The following NUMB variants were observed in gnomAD, a reference collection of about 807,000 sequenced individuals.
The protein encoded by NUMB is NUMB endocytic adaptor protein.
In NUMB, 29 loss-of-function variants were observed where a neutral mutation model predicts 59.7. The observed-to-expected ratio is 0.49, with a 90% confidence interval of 0.36 to 0.66. The LOEUF is 0.66. Ranked by LOEUF, NUMB falls within the 30% of genes least tolerant of loss-of-function variation. The probability of loss-of-function intolerance (pLI) is 0.00; values close to 1 mark genes in which losing one functional copy is unlikely to be tolerated. For missense variants in NUMB, 723 were observed against 822.0 expected (o/e 0.88, Z 1.47); for synonymous variants, 288 against 288.2 (o/e 1.00, Z 0.01).
At chr14:73,445,381 A>AAAAAAAAAAAAAC (rs1883414227) in intron 1 of NUMB, among the ~76,000 whole-genome samples, 1 of 129,790 alleles carries the variant, frequency 7.7e-6, no homozygotes, top group Non-Finnish European at 1.7e-5. Context: ...AAAAAAAAAA[A>AAAAAAAAAAAAAC]AAAAAAAAAA....
At chr14:73,332,142 G>A (rs540212023) in intron 4 of NUMB, among the ~76,000 whole-genome samples, 1 of 152,254 alleles carries the variant, frequency 6.6e-6, no homozygotes, top group East Asian at 1.9e-4. Context: ...AAAGCCCACA[G>A]GAGGTTCCAG....
chr14:73,352,512 A>T (rs1566756298), intron 4 of NUMB, among the ~76,000 whole-genome samples: 4 of 12,428 alleles, frequency 3.2e-4, no homozygotes, highest in African/African-American at 1.3e-3. Flanking sequence ...ATATATATAT[A>T]TATATATATA....
intron 2 of NUMB, among the ~76,000 whole-genome samples, chr14:73,404,794 G>C (rs1300034527): frequency 6.7e-6 from 1 of 148,836 alleles, no homozygotes; most frequent in Admixed American, 6.7e-5. Flanking sequence ...ACGGAGTCTT[G>C]CTGTCACCCA....
In NUMB at chr14:73,426,452, A is replaced by C. The variant is rs772972078; in HGVS notation, c.-232-16384T>G. ...CCTGGCACAGGGGCTCACACTTGTA[A>C]TCTCAGCAATTTGGGAGGCCAAGGC... is the stretch of plus-strand genomic sequence containing the variant. On this transcript the variant is annotated intron_variant, in intron 1 of 12. Transcript: ENST00000555238. 4.6e-4 allele frequency among the ~76,000 whole-genome samples: 70 copies of C among 152,106 alleles called. 1 individual carries two copies. Among genetic ancestry groups the C allele is most frequent in the Non-Finnish European group, 9.3e-4 (63 of 68,014 alleles).
intron 1 of NUMB, 48 bp downstream of exon 1, chr14:73,458,445 C>G (rs1354603174): frequency 6.5e-6 from 1 of 152,896 alleles, no homozygotes; most frequent in African/African-American, 2.4e-5. Flanking sequence ...CTGGAGATTC[C>G]GCCCCGCGAC....
intron 2 of NUMB, among the ~76,000 whole-genome samples, chr14:73,369,957 AT>A (rs1218130526): frequency 1.3e-5 from 2 of 152,156 alleles, no homozygotes; most frequent in African/African-American, 2.4e-5. Context: ...CTTATATTGA[AT>A]TTTATTAAAA....
chr14:73,378,406 T>A (rs557210187), intron 2 of NUMB, among the ~76,000 whole-genome samples: 6 of 152,316 alleles, frequency 3.9e-5, no homozygotes, highest in Non-Finnish European at 8.8e-5. Context: ...TTGGTATTTA[T>A]CCAAATGAGT....
At chr14:73,394,507 C>G (rs868651890) in intron 2 of NUMB, among the ~76,000 whole-genome samples, 2 of 152,168 alleles carry the variant, frequency 1.3e-5, no homozygotes, top group Middle Eastern at 3.4e-3. Flanking sequence ...TTCCTGGGCC[C>G]CAGTGATCCT....
At chr14:73,446,098 G>A (rs940089634) in intron 1 of NUMB, among the ~76,000 whole-genome samples, 5 of 151,000 alleles carry the variant, frequency 3.3e-5, no homozygotes, top group Non-Finnish European at 7.4e-5. Context: ...CCAGGTTCAA[G>A]TGATTCTCCT....
At chr14:73,442,830 T>C (rs1883164317) in intron 1 of NUMB, among the ~76,000 whole-genome samples, 1 of 152,198 alleles carries the variant, frequency 6.6e-6, no homozygotes, top group Non-Finnish European at 1.5e-5. Flanking sequence ...TTAGCTGTAG[T>C]GTATACATAT....
chr14:73,286,634 C>G (rs1197087090), intron 9 of NUMB: 1 of 164,138 alleles, frequency 6.1e-6, no homozygotes, highest in African/African-American at 2.4e-5. Context: ...AATCTATAGA[C>G]TTTTGTGACT....
intron 3 of NUMB, among the ~76,000 whole-genome samples, chr14:73,365,264 C>T (rs958140704): frequency 5.3e-5 from 8 of 152,146 alleles, no homozygotes; most frequent in African/African-American, 1.9e-4. Context: ...TGGTCTTGAA[C>T]TCCTGGCCTC....
chr14:73,403,866 G>A (rs917317894), intron 2 of NUMB, among the ~76,000 whole-genome samples: 4 of 151,648 alleles, frequency 2.6e-5, no homozygotes, highest in Admixed American at 2.6e-4. Flanking sequence ...AGGCCGAGGC[G>A]GGCGGATCAT....
chr14:73,422,816 CT>C (rs1460273492), intron 1 of NUMB, among the ~76,000 whole-genome samples: 6 of 151,728 alleles, frequency 4.0e-5, no homozygotes, highest in South Asian at 2.1e-4. Context: ...AATCACCCCC[CT>C]GGCCCCACCT....
intron 1 of NUMB, among the ~76,000 whole-genome samples, chr14:73,429,971 C>A (rs1897754786): frequency 6.6e-6 from 1 of 151,114 alleles, no homozygotes; most frequent in Non-Finnish European, 1.5e-5. Context: ...ATTAAAATGG[C>A]AAAAACCGCA....
intron 2 of NUMB, among the ~76,000 whole-genome samples, chr14:73,389,295 A>AC (rs1566775255): frequency 6.6e-5 from 2 of 30,282 alleles, no homozygotes; most frequent in Non-Finnish European, 1.0e-4. Context: ...AAAAAAAAAC[A>AC]AAAACAAAAA....
intron 9 of NUMB, 200 bp from the exon 10 acceptor site, chr14:73,284,574 A>G (rs185362057): frequency 6.7e-4 from 340 of 505,144 alleles, no homozygotes; most frequent in African/African-American, 5.8e-3. Context: ...GTCACAAAGC[A>G]TATCTACTAA....
intron 2 of NUMB, among the ~76,000 whole-genome samples, chr14:73,406,420 G>A (rs1896676799): frequency 6.6e-6 from 1 of 152,018 alleles, no homozygotes; most frequent in Non-Finnish European, 1.5e-5. Context: ...CAAAGGACAT[G>A]AACTCATCCT....
intron 1 of NUMB, among the ~76,000 whole-genome samples, chr14:73,413,531 G>A (rs1271432535): frequency 6.6e-6 from 1 of 151,750 alleles, no homozygotes; most frequent in Non-Finnish European, 1.5e-5. Flanking sequence ...GTCGAGACGG[G>A]TGGATCACCT....
Sources: gnomAD v4.1 joint callset for allele counts (sites outside exome capture counted in the v4.1 genomes callset) on GRCh38, gnomAD v4.1.1 for gene constraint, MANE v1.5 for transcripts, NCBI Gene and HGNC (gene_info 2026-07-23, HGNC 2026-07-21) for gene names.